LRRC4C: variants seen among roughly 807,000 people sequenced by gnomAD.
LRRC4C encodes leucine rich repeat containing 4C, also known as leucine-rich repeat-containing protein 4C.
LRRC4C carries 5 observed loss-of-function variants against 33.6 expected under a neutral mutation model. That is an observed-to-expected ratio of 0.15 (90% CI 0.08 to 0.31). The LOEUF (loss-of-function observed/expected upper bound fraction) is 0.31. Among genes scored for constraint, LRRC4C ranks in the 10% least tolerant of loss-of-function variants. The pLI is 1.00. For missense variants in LRRC4C, 560 were observed against 796.7 expected, an observed-to-expected ratio of 0.70 and a Z score of 3.58; for synonymous variants, 329 against 302.0, an observed-to-expected ratio of 1.09 and a Z score of -0.93.
chr11:40,801,814 A>G (rs1006971631), intron 2 of LRRC4C, among the ~76,000 whole-genome samples: 4 of 151,860 alleles, frequency 2.6e-5, no homozygotes, highest in African/African-American at 9.7e-5. Flanking sequence ...ATGAATGAAA[A>G]CTCCCCAAAG....
intron 2 of LRRC4C, among the ~76,000 whole-genome samples, chr11:40,753,996 CTG>C (rs1948818612): frequency 6.6e-6 from 1 of 151,806 alleles, no homozygotes; most frequent in Non-Finnish European, 1.5e-5. Context: ...TATATATTCA[CTG>C]TATATATATA....
intron 1 of LRRC4C, among the ~76,000 whole-genome samples, chr11:41,030,714 T>A (rs1389522246): frequency 6.6e-6 from 1 of 151,760 alleles, no homozygotes; most frequent in Non-Finnish European, 1.5e-5. Flanking sequence ...ACTTAAAATA[T>A]GCATAAGTGT....
At chr11:40,455,842 G>C (rs1952106508) in intron 3 of LRRC4C, among the ~76,000 whole-genome samples, 1 of 151,976 alleles carries the variant, frequency 6.6e-6, no homozygotes, top group African/African-American at 2.4e-5. Flanking sequence ...CTCTCTCTCT[G>C]TGTTGGCCAA....
intron 2 of LRRC4C, among the ~76,000 whole-genome samples, chr11:40,858,175 G>A (rs534816794): frequency 4.6e-5 from 7 of 152,202 alleles, no homozygotes; most frequent in South Asian, 4.2e-4. Flanking sequence ...GTCGTCATAC[G>A]TAGTTAGTAG....
At chr11:40,926,204 C>T (rs769000746) in intron 2 of LRRC4C, among the ~76,000 whole-genome samples, 26 of 152,086 alleles carry the variant, frequency 1.7e-4, no homozygotes, top group Non-Finnish European at 3.7e-4. Flanking sequence ...GATTACTTTC[C>T]AGCAGGCAGC....
At chr11:40,873,038 G>A (rs550481543) in intron 2 of LRRC4C, among the ~76,000 whole-genome samples, 5 of 152,240 alleles carry the variant, frequency 3.3e-5, no homozygotes, top group Admixed American at 6.5e-5. Flanking sequence ...TAGGACTGCA[G>A]AGACTAGATA....
chr11:40,680,675 T>C (rs1379354947), intron 2 of LRRC4C, among the ~76,000 whole-genome samples: 1 of 152,188 alleles, frequency 6.6e-6, no homozygotes, highest in Non-Finnish European at 1.5e-5. Flanking sequence ...CTTTCCGCCA[T>C]GATTGTGAGG....
chr11:41,235,762 C>T (rs1947993932), intron 1 of LRRC4C, among the ~76,000 whole-genome samples: 1 of 152,104 alleles, frequency 6.6e-6, no homozygotes, highest in Non-Finnish European at 1.5e-5. Context: ...TAATTTGCCT[C>T]ATCTCTGTCT....
intron 2 of LRRC4C, among the ~76,000 whole-genome samples, chr11:40,830,193 G>A (rs1322849598): frequency 2.0e-5 from 3 of 152,042 alleles, no homozygotes; most frequent in South Asian, 2.1e-4. Flanking sequence ...CAATAACTGC[G>A]GTTGAATATG....
At chr11:40,743,696 C>A (rs868779361) in intron 2 of LRRC4C, among the ~76,000 whole-genome samples, 1 of 152,084 alleles carries the variant, frequency 6.6e-6, no homozygotes, top group Non-Finnish European at 1.5e-5. Context: ...CAAACCACAT[C>A]TTTTGCCTGT....
At chr11:41,096,007 T>C (rs1282694376) in intron 1 of LRRC4C, among the ~76,000 whole-genome samples, 1 of 152,150 alleles carries the variant, frequency 6.6e-6, no homozygotes, top group African/African-American at 2.4e-5. Flanking sequence ...AGTTTAGTAG[T>C]ATTAAGTATT....
chr11:40,237,407 G>C (rs1865639780), intron 5 of LRRC4C, among the ~76,000 whole-genome samples: 1 of 152,206 alleles, frequency 6.6e-6, no homozygotes. Flanking sequence ...GCTCTGCTGG[G>C]CAGTGCCTGC....
At chr11:40,356,390 T>C (rs1947672094) in intron 3 of LRRC4C, among the ~76,000 whole-genome samples, 1 of 152,208 alleles carries the variant, frequency 6.6e-6, no homozygotes. Flanking sequence ...TAAGCATTTG[T>C]TTAAAAAAGA....
intron 1 of LRRC4C, among the ~76,000 whole-genome samples, chr11:41,311,053 A>C (rs1330300455): frequency 6.6e-6 from 1 of 152,346 alleles, no homozygotes; most frequent in East Asian, 1.9e-4. Context: ...TATTCTTAGT[A>C]AACAAGCAAA....
chr11:40,956,720 T>C (rs544882850), intron 1 of LRRC4C, among the ~76,000 whole-genome samples: 1 of 151,928 alleles, frequency 6.6e-6, no homozygotes, highest in Admixed American at 6.6e-5. Flanking sequence ...ACAATTTCAA[T>C]ATTCTTATAA....
chr11:40,758,321 T>C (rs76683355), intron 2 of LRRC4C, among the ~76,000 whole-genome samples: 18,291 of 151,978 alleles, frequency 0.12, 1,497 homozygotes, highest in East Asian at 0.42. Context: ...TTTGGATTTA[T>C]GTATTAACTG....
chr11:41,407,188 C>T (rs752413652), intron 1 of LRRC4C, among the ~76,000 whole-genome samples: 3 of 151,850 alleles, frequency 2.0e-5, no homozygotes, highest in African/African-American at 4.8e-5. Flanking sequence ...ATTTGACTAA[C>T]AAGGAAACTG....
chr11:40,784,125 G>A (rs1257300972), intron 2 of LRRC4C, among the ~76,000 whole-genome samples: 2 of 151,826 alleles, frequency 1.3e-5, no homozygotes, highest in East Asian at 3.9e-4. Flanking sequence ...TATGTATTAT[G>A]TTCATTTAAT....
rs1168921509 is a variant in LRRC4C, at chr11:41,418,849, C to G, written c.-496+40582G>C. On this transcript the variant is annotated intron_variant, in intron 1 of 6. Coordinates refer to ENST00000528697, the MANE Select transcript of LRRC4C (RefSeq NM_001258419.2). Reference sequence around the variant, plus strand: ...ATAAATTAAGGTCATAATACAGAGTCTAGAATGCAATGGTTGAAATAATTA... The same window carrying G: ...ATAAATTAAGGTCATAATACAGAGTGTAGAATGCAATGGTTGAAATAATTA... 1.3e-5 allele frequency among the ~76,000 whole-genome samples: 2 copies of G among 151,816 alleles called. 1 individual carries two copies. Among genetic ancestry groups the G allele is most frequent in the South Asian group, 4.2e-4 (2 of 4,818 alleles).
Sources: allele counts gnomAD v4.1 joint callset (sites outside exome capture counted in the v4.1 genomes callset), GRCh38; gene constraint gnomAD v4.1.1; transcripts MANE v1.5; gene names NCBI Gene and HGNC (gene_info 2026-07-23, HGNC 2026-07-21).